Variants in TAF8 observed in about 807,000 individuals in gnomAD.
The protein encoded by TAF8 is transcription initiation factor TFIID subunit 8.
A neutral mutation model predicts 36.5 loss-of-function variants in TAF8; 47 were observed. That is an observed-to-expected ratio of 1.29 (90% CI 1.02 to 1.64). The LOEUF is 1.64. Ranked by LOEUF, TAF8 falls within the 40% of genes most tolerant of loss-of-function variation. The pLI, the probability that TAF8 is intolerant of heterozygous loss-of-function variation, is 0.00. For synonymous variants in TAF8, 175 were observed against 159.5 expected (o/e 1.10, Z -0.73); for missense variants, 420 against 407.6 (o/e 1.03, Z -0.26).
Position 42,081,302 on chromosome 6 carries a change from G to C in TAF8, c.*3757G>C, listed in dbSNP as rs1487151035. 3 of 151,174 alleles carry C rather than the reference G, an allele frequency of 2.0e-5. No individual in the cohort carries two copies. The highest frequency in any genetic ancestry group is 7.3e-5 in the African/African-American group (3 of 41,122). The allele number at this position is 151,174 out of a possible 1,614,324, so 9.4% of individuals were successfully genotyped here. The stretch of plus-strand genomic sequence containing the variant: ...AATGATTCTACTGCCTCAGCTTCCT[G>C]AGTAGCTGGGATTATAGGTATCTAC... On this transcript the variant is annotated 3_prime_UTR_variant, in exon 9 of 9. Coordinates refer to ENST00000372977, the MANE Select transcript of TAF8 (RefSeq NM_138572.3).
intron 5 of TAF8, among the ~76,000 whole-genome samples, chr6:42,065,365 A>G (rs191708661): frequency 1.1e-4 from 16 of 152,180 alleles, no homozygotes; most frequent in Admixed American, 2.6e-4. Context: ...AAAATAATAA[A>G]ATAAAAAGTT....
Position 42,065,054 on chromosome 6 carries a change from A to T in TAF8, c.490-1258A>T, listed in dbSNP as rs1037787442. Among the ~76,000 whole-genome samples, 14 of 151,460 alleles carry T rather than the reference A, an allele frequency of 9.2e-5. 1 individual carries two copies. The East Asian group carries it at 2.8e-3, about 30-fold the overall frequency. ...TGTCACCGTTGCCATTACCAATTAA[A>T]ATGTTTTCCGGCTGGGCGCGGTGAC... On this transcript the variant is annotated intron_variant, in intron 5 of 8. Coordinates refer to ENST00000372977, the MANE Select transcript of TAF8 (RefSeq NM_138572.3).
At chr6:42,084,431 T>TA (rs1306574851), downstream of TAF8, among the ~76,000 whole-genome samples, 1 of 151,890 alleles carries the variant, frequency 6.6e-6, no homozygotes, top group Non-Finnish European at 1.5e-5. Context: ...TGTATCAACT[T>TA]ATTTATTTAT....
At chr6:42,086,752 C>G, downstream of TAF8, 1 of 1,551,134 alleles carries the variant, frequency 6.4e-7, no homozygotes, top group Non-Finnish European at 8.7e-7. Context: ...TGAGACTTTG[C>G]CCTAAGCTGC....
At chr6:42,057,551 G>A in intron 5 of TAF8, 38 bp downstream of exon 5, 1 of 1,611,866 alleles carries the variant, frequency 6.2e-7, no homozygotes, top group Non-Finnish European at 8.5e-7. Flanking sequence ...GTGGTGTAAA[G>A]CACGGAGTCA....
At chr6:42,057,807 A>C (rs6917738) in intron 5 of TAF8, 43,341 of 390,996 alleles carry the variant, frequency 0.11, 2,748 homozygotes, top group East Asian at 0.23. Flanking sequence ...TATCTTTCAT[A>C]ATTGAGAAAC....
rs1765835001 is a variant in TAF8 at position 42,078,716 on chromosome 6, TG to T, written c.*1174del. The T allele has an allele frequency of 1.0e-6, 1 of 985,326 alleles. No homozygotes were observed. The highest frequency in any genetic ancestry group is 4.7e-5 in the South Asian group (1 of 21,296). The allele number at this position is 985,326 out of a possible 1,614,324, so 61.0% of individuals were successfully genotyped here. ...ATTGCCCCTGTGAGGAATGTGTGCTTGGGAACTGCCAAGTCTTACCCCTTCT... is the reference window on the plus strand; with the variant it reads ...ATTGCCCCTGTGAGGAATGTGTGCTTGGAACTGCCAAGTCTTACCCCTTCT... On this transcript the variant is annotated 3_prime_UTR_variant, in exon 9 of 9. Transcript: ENST00000372977.
At chr6:42,056,110 T>C (rs1764979281) in intron 4 of TAF8, 96 bp downstream of exon 4, 1 of 811,744 alleles carries the variant, frequency 1.2e-6, no homozygotes, top group Non-Finnish European at 2.1e-6. Context: ...AGTAGCTACT[T>C]CCTTGTTGTG....
intron 6 of TAF8, among the ~76,000 whole-genome samples, chr6:42,068,125 A>G (rs1339288414): frequency 2.0e-5 from 3 of 152,220 alleles, no homozygotes; most frequent in East Asian, 1.9e-4. Context: ...GATTCTATCT[A>G]TAGCCTCATT....
chr6:42,067,715 G>A (rs867152362), intron 6 of TAF8, among the ~76,000 whole-genome samples: 1 of 152,156 alleles, frequency 6.6e-6, no homozygotes, highest in African/African-American at 2.4e-5. Context: ...CTACAGGCAT[G>A]CACTATTATA....
In TAF8 at chr6:42,078,360, G is replaced by T. The variant is rs914314761; in HGVS notation, c.*815G>T. 1.0e-6 allele frequency: 1 copy of T among 985,468 alleles called. No individual in the cohort carries two copies. The highest frequency in any genetic ancestry group is 4.7e-5 in the South Asian group (1 of 21,290). 61.0% of individuals were successfully genotyped at this position (985,468 alleles called of 1,614,324 possible). A position where few individuals can be genotyped will look rare whatever the true frequency, so the allele number is the denominator to read the frequency against. ...TTACAAGGAAGACTGTTTGTCCAGC[G>T]TGTATTTCAGGATATCTGGATCCCT... On this transcript the variant is annotated 3_prime_UTR_variant, in exon 9 of 9. Coordinates refer to ENST00000372977, the MANE Select transcript of TAF8 (RefSeq NM_138572.3).
downstream of TAF8, among the ~76,000 whole-genome samples, chr6:42,085,880 G>A (rs1766016869): frequency 6.6e-6 from 1 of 152,212 alleles, no homozygotes; most frequent in South Asian, 2.1e-4. Flanking sequence ...AGCTACTCGG[G>A]AGGCTGAGGC....
chr6:42,083,573 G>A (rs1449321497), downstream of TAF8, among the ~76,000 whole-genome samples: 1 of 152,096 alleles, frequency 6.6e-6, no homozygotes, highest in African/African-American at 2.4e-5. Context: ...TATTTGAGTT[G>A]GAGTTGAATT....
At chr6:42,064,267 G>T (rs1421197953) in intron 5 of TAF8, among the ~76,000 whole-genome samples, 1 of 151,304 alleles carries the variant, frequency 6.6e-6, no homozygotes, top group East Asian at 2.0e-4. Flanking sequence ...TTTTTTGTGG[G>T]GGGTGGACAG....
chr6:42,080,583 C>A lies in TAF8; in HGVS notation c.*3038C>A. On this transcript the variant is annotated 3_prime_UTR_variant, in exon 9 of 9. Transcript: ENST00000372977. Reference sequence around the variant, plus strand: ...TAGAGACGGGGTTTCACCAGGTTGGCCAGGGTGGTCTCGAACACCTGACCT... The same window carrying A: ...TAGAGACGGGGTTTCACCAGGTTGGACAGGGTGGTCTCGAACACCTGACCT... The A allele has an allele frequency of 1.6e-6, 1 of 613,232 alleles. No homozygotes were observed. Among genetic ancestry groups the A allele is most frequent in the Non-Finnish European group, 2.0e-6 (1 of 490,458 alleles). The allele number at this position is 613,232 out of a possible 1,614,324, so 38.0% of individuals were successfully genotyped here.
Position 42,082,789 on chromosome 6 carries a change from C to T in TAF8, c.*5244C>T, listed in dbSNP as rs1675018306. 1 of 152,178 alleles carries T rather than the reference C, an allele frequency of 6.6e-6. No homozygotes were observed. The highest frequency in any genetic ancestry group is 1.5e-5 in the Non-Finnish European group (1 of 68,038). 9.4% of individuals were successfully genotyped at this position (152,178 alleles called of 1,614,324 possible). The stretch of plus-strand genomic sequence containing the variant: ...TTAACACAGTTTCTTTAACCATTCA[C>T]GCATTGAGACAAAAAAAGTTCTTAA... On this transcript the variant is annotated 3_prime_UTR_variant, in exon 9 of 9. Transcript: ENST00000372977.
chr6:42,067,807 C>G (rs916055150), intron 6 of TAF8, among the ~76,000 whole-genome samples: 1 of 149,218 alleles, frequency 6.7e-6, no homozygotes, highest in African/African-American at 2.5e-5. Context: ...TCAACCAGTC[C>G]TCCTGCCTCA....
At position 42,082,355 on chromosome 6, in the gene TAF8, C is replaced by G. The variant is rs1450693983; in HGVS notation, c.*4810C>G. On this transcript the variant is annotated 3_prime_UTR_variant, in exon 9 of 9. Coordinates refer to ENST00000372977, the MANE Select transcript of TAF8 (RefSeq NM_138572.3). ...GTATGTGACTTTTTTCTTTTTGAGACAGAGTCTTGCTCTATCGCCTAGGCT... is the reference window on the plus strand; with the variant it reads ...GTATGTGACTTTTTTCTTTTTGAGAGAGAGTCTTGCTCTATCGCCTAGGCT... 2 of 152,238 alleles carry G rather than the reference C, an allele frequency of 1.3e-5. No individual in the cohort carries two copies. The highest frequency in any genetic ancestry group is 2.9e-5 in the Non-Finnish European group (2 of 68,046). The allele number at this position is 152,238 out of a possible 1,614,324, so 9.4% of individuals were successfully genotyped here. A position where few individuals can be genotyped will look rare whatever the true frequency, so the allele number is the denominator to read the frequency against.
chr6:42,053,598 A>G (rs1764877093), intron 2 of TAF8, among the ~76,000 whole-genome samples: 1 of 152,020 alleles, frequency 6.6e-6, no homozygotes, highest in Non-Finnish European at 1.5e-5. Flanking sequence ...AGAAGAAGAA[A>G]TTTTGAAAAT....
Sources: allele counts gnomAD v4.1 joint callset (sites outside exome capture counted in the v4.1 genomes callset), GRCh38; gene constraint gnomAD v4.1.1; transcripts MANE v1.5; gene names NCBI Gene and HGNC (gene_info 2026-07-23, HGNC 2026-07-21).